Variants in PPP1R16A observed in about 807,000 individuals in gnomAD.
PPP1R16A encodes protein phosphatase 1 regulatory subunit 16A.
Under a neutral mutation model 46.6 loss-of-function variants are expected in PPP1R16A, and 39 were observed. The observed-to-expected ratio is 0.84, with a 90% confidence interval of 0.65 to 1.09. PPP1R16A has a LOEUF of 1.09. Among genes scored for constraint, PPP1R16A ranks in the 50% least tolerant of loss-of-function variants. The pLI, the probability that PPP1R16A is intolerant of heterozygous loss-of-function variation, is 0.00. For missense variants in PPP1R16A, 798 were observed against 735.6 expected, an observed-to-expected ratio of 1.08 and a Z score of -0.98; for synonymous variants, 413 against 321.5, an observed-to-expected ratio of 1.28 and a Z score of -3.04.
Position 144,493,084 on chromosome 8 carries a change from G to A in PPP1R16A, c.-735+2872G>A, listed in dbSNP as rs544161523. ...CTCTCGGGCCTGGAGCTGTCCTCAC[G>A]GGGGCTCCTGGGAGCTTGGGCTGGG... On this transcript the variant is annotated intron_variant, in intron 2 of 11. Coordinates refer to ENST00000435887, the MANE Select transcript of PPP1R16A (RefSeq NM_001329443.2). This position sits in a 1 kb window ranked among gnomAD's most constrained non-coding sequence, Gnocchi z 4.3. Among the ~76,000 whole-genome samples the A allele has an allele frequency of 4.6e-5, 7 of 152,196 alleles. No homozygotes were observed. In the South Asian group the frequency reaches 8.3e-4, roughly 18 times the overall value.
chr8:144,482,085 G>GCCA (rs1001267773), intron 1 of PPP1R16A, among the ~76,000 whole-genome samples: 8 of 151,862 alleles, frequency 5.3e-5, no homozygotes, highest in African/African-American at 1.9e-4. Context: ...TGCCGCCGCC[G>GCCA]CCGCCGCCGC....
chr8:144,488,606 G>A (rs893919973), intron 1 of PPP1R16A, among the ~76,000 whole-genome samples: 2 of 152,142 alleles, frequency 1.3e-5, no homozygotes, highest in African/African-American at 4.8e-5. Context: ...TAGAGAAGAG[G>A]TCAAGGCTCA....
intron 5 of PPP1R16A, 150 bp from the exon 6 acceptor site, chr8:144,499,946 C>G (rs1178582692): frequency 4.1e-6 from 3 of 723,956 alleles, no homozygotes; most frequent in South Asian, 3.5e-5. Context: ...CCGATGGGCC[C>G]CAAGGCTGCC....
At chr8:144,492,362 G>A (rs2130352747) in intron 2 of PPP1R16A, among the ~76,000 whole-genome samples, 1 of 141,630 alleles carries the variant, frequency 7.1e-6, no homozygotes, top group South Asian at 2.2e-4. Flanking sequence ...TTGATAGGGA[G>A]TCTCTCTCTG....
Position 144,499,066 on chromosome 8 carries a change from G to A in PPP1R16A, c.476+5G>A, listed in dbSNP as rs1489119747. On this transcript the variant is annotated splice_donor_5th_base_variant and intron_variant, in intron 5 of 11. Coordinates refer to ENST00000435887, the MANE Select transcript of PPP1R16A (RefSeq NM_001329443.2). ...GGTGGAGCTGCTCATCGCCAGGTAG[G>A]GCCTGTTGGGCGTCCTTGGCAGGGA... 2 of 1,568,346 alleles carry A rather than the reference G, an allele frequency of 1.3e-6. No individual in the cohort carries two copies. The highest frequency in any genetic ancestry group is 1.7e-6 in the Non-Finnish European group (2 of 1,154,490).
intron 1 of PPP1R16A, among the ~76,000 whole-genome samples, chr8:144,483,690 G>A (rs1034212087): frequency 2.0e-5 from 3 of 146,760 alleles, no homozygotes; most frequent in Non-Finnish European, 4.5e-5. Context: ...ACAGGCATGA[G>A]CCACTGCGCC....
chr8:144,481,538 G>A (rs1825425908), intron 1 of PPP1R16A, among the ~76,000 whole-genome samples: 1 of 151,852 alleles, frequency 6.6e-6, no homozygotes, highest in African/African-American at 2.4e-5. Flanking sequence ...CAGCTACTCG[G>A]GAGGCTGAGG....
intron 2 of PPP1R16A, chr8:144,495,443 C>CCTTT (rs774124488): frequency 6.6e-6 from 1 of 152,080 alleles, no homozygotes; most frequent in East Asian, 1.9e-4. Flanking sequence ...TTTCTTTCTT[C>CCTTT]CTTTCTTTCT....
chr8:144,483,733 C>T (rs1457527934), intron 1 of PPP1R16A, among the ~76,000 whole-genome samples: 2 of 151,604 alleles, frequency 1.3e-5, no homozygotes, highest in Non-Finnish European at 2.9e-5. Context: ...CAGAGTCTTG[C>T]TCTGTTGCCC....
intron 2 of PPP1R16A, among the ~76,000 whole-genome samples, chr8:144,494,781 C>T (rs1825976949): frequency 6.6e-6 from 1 of 152,144 alleles, no homozygotes; most frequent in Non-Finnish European, 1.5e-5. Flanking sequence ...CTCCTCTTGC[C>T]AGCCCTGTCA....
chr8:144,501,014 G>A (rs1395848736), intron 10 of PPP1R16A, 43 bp downstream of exon 10: 1 of 1,459,144 alleles, frequency 6.9e-7, no homozygotes, highest in Non-Finnish European at 9.0e-7. Flanking sequence ...GCTTGGCCCC[G>A]CGGACGTCAG....
intron 2 of PPP1R16A, among the ~76,000 whole-genome samples, chr8:144,491,678 G>A (rs1825814528): frequency 6.6e-6 from 1 of 151,902 alleles, no homozygotes; most frequent in African/African-American, 2.4e-5. Context: ...CAGGAGAATG[G>A]CATGAACCTG....
chr8:144,489,399 G>A (rs1825725395), intron 1 of PPP1R16A, among the ~76,000 whole-genome samples: 1 of 133,066 alleles, frequency 7.5e-6, no homozygotes, highest in African/African-American at 2.8e-5. Flanking sequence ...TGGACTGGGA[G>A]GGGGGTTTGT....
In PPP1R16A at chr8:144,478,079, C is replaced by G. The variant is rs1165366115; in HGVS notation, c.-962C>G. 3 of 395,678 alleles carry G rather than the reference C, an allele frequency of 7.6e-6. No homozygotes were observed. The highest frequency in any genetic ancestry group is 1.3e-5 in the Non-Finnish European group (3 of 224,188). 24.5% of individuals were successfully genotyped at this position (395,678 alleles called of 1,614,324 possible). ...TCAGGGAGCGCGGGGCCCACTGACC[C>G]GCGGAAGCCAGCGGACCCACTTGTG... On this transcript the variant is annotated 5_prime_UTR_variant, in exon 1 of 12. Coordinates refer to ENST00000435887, the MANE Select transcript of PPP1R16A (RefSeq NM_001329443.2).
At chr8:144,498,467 G>C in intron 3 of PPP1R16A, 1 of 432,402 alleles carries the variant, frequency 2.3e-6, no homozygotes, top group Non-Finnish European at 4.2e-6. Context: ...CTGGGCTGGA[G>C]GGAGGTGTGG....
At chr8:144,499,314 C>A (rs374196607) in intron 5 of PPP1R16A, 123 of 544,028 alleles carry the variant, frequency 2.3e-4, no homozygotes, top group Middle Eastern at 4.8e-4. Context: ...GGGCCCCCCC[C>A]CAGAGTGTGC....
chr8:144,496,941 A>G lies in PPP1R16A; in HGVS notation c.-254A>G, dbSNP rs1056494099. Reference sequence around the variant, plus strand: ...GGCGAGGCGCTGCTTGTCGACAGCTAGAGGCTGGCCTGGGGAGCAGGTTTG... The same window carrying G: ...GGCGAGGCGCTGCTTGTCGACAGCTGGAGGCTGGCCTGGGGAGCAGGTTTG... On this transcript the variant is annotated 5_prime_UTR_variant, in exon 3 of 12. Transcript: ENST00000435887. 3 of 582,676 alleles carry G rather than the reference A, an allele frequency of 5.1e-6. No individual in the cohort carries two copies. The highest frequency in any genetic ancestry group is 4.1e-5 in the South Asian group (2 of 48,694). The allele number at this position is 582,676 out of a possible 1,614,324, so 36.1% of individuals were successfully genotyped here. A position where few individuals can be genotyped will look rare whatever the true frequency, so the allele number is the denominator to read the frequency against.
Position 144,487,370 on chromosome 8 carries a change from G to C in PPP1R16A, c.-913-2664G>C, listed in dbSNP as rs528529835. The stretch of plus-strand genomic sequence containing the variant: ...GTAGGTTTATTTCTGTTTTGTTTTG[G>C]GGACAAAACAAAACAGTCAGAGACA... On this transcript the variant is annotated intron_variant, in intron 1 of 11. Transcript: ENST00000435887. Among the ~76,000 whole-genome samples, 4 of 151,238 alleles carry C rather than the reference G, an allele frequency of 2.6e-5. No homozygotes were observed. In the South Asian group the frequency reaches 8.4e-4, roughly 32 times the overall value.
In PPP1R16A at chr8:144,496,807, C is replaced by G; in HGVS notation, c.-388C>G. The stretch of plus-strand genomic sequence containing the variant: ...CTCCCTTCCCCCTCAGCAGGGTGCC[C>G]GGAAGCTGGAACCTTGTTATCTGGG... On this transcript the variant is annotated 5_prime_UTR_variant, in exon 3 of 12. Coordinates refer to ENST00000435887, the MANE Select transcript of PPP1R16A (RefSeq NM_001329443.2). 7.1e-6 allele frequency: 2 copies of G among 280,886 alleles called. No individual in the cohort carries two copies. Among genetic ancestry groups the G allele is most frequent in the Non-Finnish European group, 1.4e-5 (2 of 143,528 alleles). 17.4% of individuals were successfully genotyped at this position (280,886 alleles called of 1,614,324 possible).
Sources: allele counts gnomAD v4.1 joint callset (sites outside exome capture counted in the v4.1 genomes callset), GRCh38; gene constraint gnomAD v4.1.1; non-coding constraint Gnocchi (gnomAD v3.1); transcripts MANE v1.5; gene names NCBI Gene and HGNC (gene_info 2026-07-23, HGNC 2026-07-21).